Variants in CAMKMT observed in about 807,000 individuals in gnomAD.
The protein encoded by CAMKMT is CaM KMT.
Under a neutral mutation model 48.0 loss-of-function variants are expected in CAMKMT, and 53 were observed. That is an observed-to-expected ratio of 1.10 (90% CI 0.89 to 1.39). The LOEUF is 1.39. Among genes scored for constraint, CAMKMT ranks in the 40% most tolerant of loss-of-function variants. The probability of loss-of-function intolerance (pLI) is 0.00; values close to 1 mark genes in which losing one functional copy is unlikely to be tolerated. For synonymous variants in CAMKMT, 165 were observed against 152.3 expected, an observed-to-expected ratio of 1.08 and a Z score of -0.61; for missense variants, 428 against 402.7, an observed-to-expected ratio of 1.06 and a Z score of -0.54.
intron 7 of CAMKMT, among the ~76,000 whole-genome samples, chr2:44,718,552 G>C (rs561286525): frequency 6.6e-6 from 1 of 152,240 alleles, no homozygotes; most frequent in East Asian, 1.9e-4. Context: ...AAAGAGCAAG[G>C]ATATTTACAG....
chr2:44,402,568 G>T (rs1179894269), intron 3 of CAMKMT, among the ~76,000 whole-genome samples: 1 of 151,486 alleles, frequency 6.6e-6, no homozygotes, highest in East Asian at 1.9e-4. Flanking sequence ...GACATTTCTT[G>T]GGCACTTTTC....
intron 1 of CAMKMT, among the ~76,000 whole-genome samples, chr2:44,366,256 T>C (rs2104336484): frequency 6.6e-6 from 1 of 152,380 alleles, no homozygotes; most frequent in Non-Finnish European, 1.5e-5. Flanking sequence ...AAAAGGTTTG[T>C]GAAGAAGCAC....
chr2:44,622,432 A>C (rs62132316), intron 3 of CAMKMT, among the ~76,000 whole-genome samples: 19,925 of 152,218 alleles, frequency 0.13, 1,466 homozygotes, highest in Admixed American at 0.23. Flanking sequence ...AGTACACTTG[A>C]ACCCATCACC....
intron 7 of CAMKMT, among the ~76,000 whole-genome samples, chr2:44,724,931 T>C (rs1678695544): frequency 6.6e-6 from 1 of 152,106 alleles, no homozygotes; most frequent in Non-Finnish European, 1.5e-5. Context: ...ACATTTTTGT[T>C]TTATTGTCAC....
At chr2:44,633,530 T>A (rs902268214) in intron 3 of CAMKMT, among the ~76,000 whole-genome samples, 3 of 152,220 alleles carry the variant, frequency 2.0e-5, no homozygotes, top group Non-Finnish European at 4.4e-5. Context: ...CTGCACTGAC[T>A]AATCTGATGT....
intron 3 of CAMKMT, among the ~76,000 whole-genome samples, chr2:44,647,813 CAGG>C (rs772564279): frequency 8.2e-5 from 12 of 146,108 alleles, no homozygotes; most frequent in Non-Finnish European, 1.5e-4. Flanking sequence ...GAGGCTGAGG[CAGG>C]AGAATGGTGT....
intron 3 of CAMKMT, among the ~76,000 whole-genome samples, chr2:44,692,722 G>C (rs1676731761): frequency 6.6e-6 from 1 of 152,190 alleles, no homozygotes; most frequent in South Asian, 2.1e-4. Flanking sequence ...CTGGCTTTCT[G>C]CTGTAGCTTT....
At chr2:44,515,908 A>C (rs1430509019) in intron 3 of CAMKMT, among the ~76,000 whole-genome samples, 2 of 152,206 alleles carry the variant, frequency 1.3e-5, no homozygotes, top group Non-Finnish European at 2.9e-5. Flanking sequence ...AAATGGGGAG[A>C]GCACAAGCAG....
intron 7 of CAMKMT, chr2:44,723,794 A>G (rs1489698425): frequency 1.3e-5 from 2 of 152,142 alleles, no homozygotes; most frequent in Admixed American, 1.3e-4. Flanking sequence ...TCTGGAATTC[A>G]TTAATCTTAC....
rs571005748 is a variant in CAMKMT, at chr2:44,674,474, A to T, written c.377-29809A>T. 5.8e-4 allele frequency among the ~76,000 whole-genome samples: 89 copies of T among 152,294 alleles called. No individual in the cohort carries two copies. In the South Asian group the frequency reaches 0.018, roughly 30 times the overall value. On this transcript the variant is annotated intron_variant, in intron 3 of 10. Transcript: ENST00000378494. ...GTTAAATAAATGAAGAAAAACATGTATCTGATCTGAGAAATCACTGCAAAC... is the reference window on the plus strand; with the variant it reads ...GTTAAATAAATGAAGAAAAACATGTTTCTGATCTGAGAAATCACTGCAAAC...
At chr2:44,768,485 G>A (rs1470184002) in intron 10 of CAMKMT, among the ~76,000 whole-genome samples, 2 of 151,968 alleles carry the variant, frequency 1.3e-5, no homozygotes. Flanking sequence ...TGCTGACCGG[G>A]CTGGCACGTG....
intron 3 of CAMKMT, among the ~76,000 whole-genome samples, chr2:44,564,033 T>C (rs1668476998): frequency 6.6e-6 from 1 of 152,172 alleles, no homozygotes; most frequent in South Asian, 2.1e-4. Flanking sequence ...TAGTTCTAGA[T>C]CCTTGAGGAA....
intron 3 of CAMKMT, among the ~76,000 whole-genome samples, chr2:44,695,091 A>G (rs1213980510): frequency 2.0e-5 from 3 of 152,236 alleles, no homozygotes; most frequent in Non-Finnish European, 4.4e-5. Flanking sequence ...CACTTTGGGC[A>G]TTCTGCAGCA....
chr2:44,526,672 C>T (rs755661850), intron 3 of CAMKMT, among the ~76,000 whole-genome samples: 1 of 152,098 alleles, frequency 6.6e-6, no homozygotes, highest in African/African-American at 2.4e-5. Flanking sequence ...TGTTTGGGCC[C>T]TCAACTGATT....
rs1672034237 is a variant in CAMKMT at position 44,618,979 on chromosome 2, A to G, written c.377-85304A>G. The stretch of plus-strand genomic sequence containing the variant: ...ACTGTAAATTCAGATCTACTCATAA[A>G]TAGTTTGGAAATCACTGGGGATTAG... On this transcript the variant is annotated intron_variant, in intron 3 of 10. Transcript: ENST00000378494. This position sits in a 1 kb window ranked among gnomAD's most constrained non-coding sequence, Gnocchi z 4.0. Among the ~76,000 whole-genome samples the G allele has an allele frequency of 6.6e-6, 1 of 152,200 alleles. No homozygotes were observed. Among genetic ancestry groups the G allele is most frequent in the African/African-American group, 2.4e-5 (1 of 41,460 alleles).
intron 3 of CAMKMT, among the ~76,000 whole-genome samples, chr2:44,437,771 A>G (rs1308757371): frequency 1.3e-5 from 2 of 149,660 alleles, no homozygotes; most frequent in Non-Finnish European, 3.0e-5. Context: ...GCTTGAGCCC[A>G]GGAGTTTGAA....
In CAMKMT at chr2:44,539,841, A is replaced by G. The variant is rs142678723; in HGVS notation, c.376+149536A>G. Reference sequence around the variant, plus strand: ...CTTTATTGGCATGTCATATCAGGGAATGACATTGATGTGTCTCATTATTGG... The same window carrying G: ...CTTTATTGGCATGTCATATCAGGGAGTGACATTGATGTGTCTCATTATTGG... On this transcript the variant is annotated intron_variant, in intron 3 of 10. Transcript: ENST00000378494. Among the ~76,000 whole-genome samples the G allele has an allele frequency of 7.2e-5, 11 of 152,288 alleles. No homozygotes were observed. The East Asian group carries it at 1.5e-3, about 21-fold the overall frequency.
At chr2:44,681,449 C>G (rs1676014886) in intron 3 of CAMKMT, among the ~76,000 whole-genome samples, 1 of 152,044 alleles carries the variant, frequency 6.6e-6, no homozygotes, top group Non-Finnish European at 1.5e-5. Context: ...CTCAATGAAC[C>G]ACTTATCCAG....
chr2:44,575,517 A>G (rs1242321690), intron 3 of CAMKMT, among the ~76,000 whole-genome samples: 2 of 152,082 alleles, frequency 1.3e-5, no homozygotes, highest in East Asian at 3.9e-4. Context: ...GTATGGCTTT[A>G]CCAAACATGA....
Sources: gnomAD v4.1 joint callset for allele counts (sites outside exome capture counted in the v4.1 genomes callset) on GRCh38, gnomAD v4.1.1 for gene constraint, Gnocchi (gnomAD v3.1) non-coding constraint, MANE v1.5 for transcripts, NCBI Gene and HGNC (gene_info 2026-07-23, HGNC 2026-07-21) for gene names.